NKAIN3: variants seen among roughly 807,000 people sequenced by gnomAD.
NKAIN3 encodes the protein sodium/potassium transporting ATPase interacting 3.
NKAIN3 carries 25 observed loss-of-function variants against 30.2 expected under a neutral mutation model. That is an observed-to-expected ratio of 0.83 (90% CI 0.60 to 1.16). NKAIN3 has a LOEUF of 1.16. Among genes scored for constraint, NKAIN3 ranks in the 50% most tolerant of loss-of-function variants. The pLI is 0.00. For missense variants in NKAIN3, 225 were observed against 254.1 expected (o/e 0.89, Z 0.78); for synonymous variants, 91 against 89.6 (o/e 1.02, Z -0.09).
intron 4 of NKAIN3, among the ~76,000 whole-genome samples, chr8:62,861,142 C>G (rs1480119): frequency 0.083 from 12,592 of 152,230 alleles, 583 homozygotes; most frequent in South Asian, 0.14. Context: ...GCGGAGGGTT[C>G]TCAAGGCACA....
At chr8:62,793,900 T>C (rs555333782) in intron 4 of NKAIN3, among the ~76,000 whole-genome samples, 10 of 152,236 alleles carry the variant, frequency 6.6e-5, no homozygotes, top group Non-Finnish European at 1.2e-4. Context: ...GAGCCCAAGG[T>C]TGGGGGGAAA....
At chr8:62,877,831 C>G (rs753147461) in intron 4 of NKAIN3, among the ~76,000 whole-genome samples, 1 of 151,896 alleles carries the variant, frequency 6.6e-6, no homozygotes, top group Non-Finnish European at 1.5e-5. Context: ...ACCTGAGGTT[C>G]GGAGTTCAAG....
At chr8:62,449,971 G>A (rs1041705109) in intron 1 of NKAIN3, among the ~76,000 whole-genome samples, 2 of 151,972 alleles carry the variant, frequency 1.3e-5, no homozygotes, top group Non-Finnish European at 2.9e-5. Flanking sequence ...TAATGACCAA[G>A]GCATTTTGGT....
chr8:62,926,993 G>A (rs1329293147), intron 5 of NKAIN3, among the ~76,000 whole-genome samples: 3 of 151,896 alleles, frequency 2.0e-5, no homozygotes, highest in East Asian at 3.9e-4. Flanking sequence ...TTTCCCTTCA[G>A]CTTATAAACA....
At chr8:62,939,752 G>A (rs1430130345) in intron 5 of NKAIN3, among the ~76,000 whole-genome samples, 1 of 151,806 alleles carries the variant, frequency 6.6e-6, no homozygotes, top group African/African-American at 2.4e-5. Flanking sequence ...CTGTTCAAAG[G>A]AGCTCTACAT....
chr8:62,377,019 C>G (rs1451096613), intron 1 of NKAIN3, among the ~76,000 whole-genome samples: 1 of 152,040 alleles, frequency 6.6e-6, no homozygotes, highest in Non-Finnish European at 1.5e-5. Flanking sequence ...AAACTTTTTT[C>G]ATGAATTTCA....
chr8:62,734,173 C>T (rs193009446), intron 3 of NKAIN3, among the ~76,000 whole-genome samples: 1 of 152,208 alleles, frequency 6.6e-6, no homozygotes, highest in Non-Finnish European at 1.5e-5. Context: ...GTGTCAGCTA[C>T]TTGGTAGGCT....
intron 5 of NKAIN3, among the ~76,000 whole-genome samples, chr8:62,941,274 A>G (rs1822947592): frequency 1.3e-5 from 2 of 152,086 alleles, no homozygotes; most frequent in Non-Finnish European, 2.9e-5. Flanking sequence ...AAAATTACCA[A>G]TAGAAAAGTC....
At chr8:62,332,177 T>C (rs889026233) in intron 1 of NKAIN3, among the ~76,000 whole-genome samples, 2 of 152,126 alleles carry the variant, frequency 1.3e-5, no homozygotes, top group Non-Finnish European at 2.9e-5. Flanking sequence ...AGATAATGTT[T>C]CTCAGTCCAT....
intron 1 of NKAIN3, among the ~76,000 whole-genome samples, chr8:62,255,260 G>A (rs1014073870): frequency 1.3e-5 from 2 of 152,174 alleles, no homozygotes; most frequent in African/African-American, 2.4e-5. Flanking sequence ...TGGAAAACAC[G>A]CAATTGGGAC....
At chr8:62,575,335 A>C (rs922282552) in intron 1 of NKAIN3, among the ~76,000 whole-genome samples, 4 of 152,100 alleles carry the variant, frequency 2.6e-5, no homozygotes, top group African/African-American at 9.7e-5. Flanking sequence ...CAAACAATCT[A>C]AAAAAGAAAC....
chr8:62,718,832 A>G (rs1390640371), intron 3 of NKAIN3, among the ~76,000 whole-genome samples: 3 of 151,948 alleles, frequency 2.0e-5, no homozygotes, highest in Non-Finnish European at 4.4e-5. Context: ...ACTCTTTAAT[A>G]TATGTGGAAT....
At chr8:62,366,386 T>C (rs1479557904) in intron 1 of NKAIN3, among the ~76,000 whole-genome samples, 5 of 151,770 alleles carry the variant, frequency 3.3e-5, no homozygotes, top group Non-Finnish European at 7.4e-5. Flanking sequence ...ACCACTGTAG[T>C]TGATTAATTT....
intron 4 of NKAIN3, among the ~76,000 whole-genome samples, chr8:62,817,254 T>C (rs1818713552): frequency 6.6e-6 from 1 of 152,154 alleles, no homozygotes; most frequent in Non-Finnish European, 1.5e-5. Context: ...ATGTGCACAG[T>C]TTAAAGTTCT....
At chr8:62,329,374 A>G (rs1172521730) in intron 1 of NKAIN3, among the ~76,000 whole-genome samples, 1 of 152,152 alleles carries the variant, frequency 6.6e-6, no homozygotes, top group Non-Finnish European at 1.5e-5. Flanking sequence ...TAAAGGGTAC[A>G]TGTGCAGGTT....
chr8:62,817,376 A>G (rs757301410), intron 4 of NKAIN3, among the ~76,000 whole-genome samples: 2 of 152,068 alleles, frequency 1.3e-5, no homozygotes, highest in Non-Finnish European at 2.9e-5. Flanking sequence ...TATATTTTCA[A>G]ATTTTAGCTG....
chr8:62,357,107 T>A (rs2351677), intron 1 of NKAIN3, among the ~76,000 whole-genome samples: 1 of 151,692 alleles, frequency 6.6e-6, no homozygotes, highest in Admixed American at 6.6e-5. Flanking sequence ...ATCTCAAAAA[T>A]AAAAAACAAA....
At chr8:62,374,520 T>C (rs2129593543) in intron 1 of NKAIN3, among the ~76,000 whole-genome samples, 1 of 152,292 alleles carries the variant, frequency 6.6e-6, no homozygotes, top group Middle Eastern at 3.4e-3. Context: ...AGAAGTATTT[T>C]CCCTCCTAAG....
chr8:62,744,259 G>C (rs1405091525), intron 3 of NKAIN3, among the ~76,000 whole-genome samples: 2 of 152,144 alleles, frequency 1.3e-5, no homozygotes, highest in African/African-American at 4.8e-5. Flanking sequence ...TAAGAAGTTT[G>C]AAGTTTAAGT....
Sources: allele counts gnomAD v4.1 joint callset (sites outside exome capture counted in the v4.1 genomes callset), GRCh38; gene constraint gnomAD v4.1.1; transcripts MANE v1.5; gene names NCBI Gene and HGNC (gene_info 2026-07-23, HGNC 2026-07-21).